MYOM2: variants seen among roughly 807,000 people sequenced by gnomAD.
MYOM2 encodes the protein myomesin 2.
In MYOM2, 254 loss-of-function variants were observed where a neutral mutation model predicts 187.6. That is an observed-to-expected ratio of 1.35 (90% CI 1.22 to 1.50). MYOM2 has a LOEUF of 1.50. MYOM2 is among the 40% of genes most tolerant of loss of function. The pLI is 0.00. For synonymous variants in MYOM2, 981 were observed against 753.8 expected, an observed-to-expected ratio of 1.30 and a Z score of -4.94; for missense variants, 2,796 against 1,924.0, an observed-to-expected ratio of 1.45 and a Z score of -8.48.
intron 21 of MYOM2, among the ~76,000 whole-genome samples, chr8:2,103,777 T>C (rs1159115914): frequency 6.6e-6 from 1 of 151,624 alleles, no homozygotes; most frequent in East Asian, 1.9e-4. Flanking sequence ...GCATGTGTTA[T>C]GTGTTTATGT....
At chr8:2,128,841 C>T (rs1585958334) in intron 31 of MYOM2, among the ~76,000 whole-genome samples, 1 of 152,304 alleles carries the variant, frequency 6.6e-6, no homozygotes, top group South Asian at 2.1e-4. Flanking sequence ...TTTTCTTAAG[C>T]AAAGCTGCTG....
intron 21 of MYOM2, 53 bp from the exon 22 acceptor site, chr8:2,106,189 G>T (rs902603330): frequency 1.3e-6 from 2 of 1,568,726 alleles, no homozygotes; most frequent in Non-Finnish European, 1.7e-6. Flanking sequence ...CCAAAAGAGA[G>T]TTGAAAGAAC....
At position 2,134,914 on chromosome 8, in the gene MYOM2, C is replaced by T. The variant is rs188307373; in HGVS notation, c.3800+5682C>T. Among the ~76,000 whole-genome samples the T allele has an allele frequency of 9.2e-5, 14 of 152,232 alleles. 1 individual carries two copies. The highest frequency in any genetic ancestry group is 2.6e-4 in the African/African-American group (11 of 41,534). On this transcript the variant is annotated intron_variant, in intron 32 of 36. Coordinates refer to ENST00000262113, the MANE Select transcript of MYOM2 (RefSeq NM_003970.4). ...GACAAAGGTTGGCATCAGAGACTAT[C>T]GATGTCTCAGGGAGCCGCGGGTCTT...
chr8:2,062,627 C>T (rs922851382), intron 6 of MYOM2, among the ~76,000 whole-genome samples: 3 of 152,148 alleles, frequency 2.0e-5, no homozygotes, highest in African/African-American at 7.2e-5. Context: ...GAAACTTTCT[C>T]TCCTTGGATT....
At chr8:2,121,868 T>C (rs1797471204) in intron 28 of MYOM2, among the ~76,000 whole-genome samples, 1 of 152,222 alleles carries the variant, frequency 6.6e-6, no homozygotes, top group Admixed American at 6.5e-5. Flanking sequence ...TAATCATCTT[T>C]CCTAGACATT....
chr8:2,095,293 C>CT (rs201143467), intron 17 of MYOM2, among the ~76,000 whole-genome samples: 15,324 of 136,538 alleles, frequency 0.11, 1,610 homozygotes, highest in African/African-American at 0.27. Flanking sequence ...AAACCACTTT[C>CT]TTTTTTTTTT....
At chr8:2,129,644 A>G (rs1389463049) in intron 32 of MYOM2, among the ~76,000 whole-genome samples, 1 of 152,188 alleles carries the variant, frequency 6.6e-6, no homozygotes, top group East Asian at 1.9e-4. Flanking sequence ...CAATCATTAA[A>G]ATTAAAAACA....
At chr8:2,106,455 A>T in intron 22 of MYOM2, 36 bp from the exon 23 acceptor site, 1 of 1,610,280 alleles carries the variant, frequency 6.2e-7, no homozygotes, top group Non-Finnish European at 8.5e-7. Context: ...TGCAAACAGA[A>T]ATGATCGACA....
At chr8:2,068,414 G>T (rs1434028356) in intron 6 of MYOM2, among the ~76,000 whole-genome samples, 3 of 150,462 alleles carry the variant, frequency 2.0e-5, no homozygotes, top group Admixed American at 6.6e-5. Flanking sequence ...GTGTGCACCA[G>T]GTGGAGAGCA....
intron 25 of MYOM2, among the ~76,000 whole-genome samples, 185 bp from the exon 26 acceptor site, chr8:2,115,775 G>A (rs1797219887): frequency 6.6e-6 from 1 of 152,212 alleles, no homozygotes; most frequent in South Asian, 2.1e-4. Context: ...TTGTCACTGA[G>A]TGACAGCTCA....
At chr8:2,118,080 G>A in intron 28 of MYOM2, 128 bp downstream of exon 28, 2 of 710,822 alleles carry the variant, frequency 2.8e-6, no homozygotes, top group Non-Finnish European at 4.7e-6. Context: ...CTGTGTAGCT[G>A]CGGATGGGCG....
intron 19 of MYOM2, among the ~76,000 whole-genome samples, chr8:2,099,976 G>C (rs1796625401): frequency 6.6e-6 from 1 of 151,738 alleles, no homozygotes; most frequent in South Asian, 2.1e-4. Flanking sequence ...AAGCCAATTA[G>C]AAAATTCCTT....
At chr8:2,075,552 T>C (rs1273056058) in intron 10 of MYOM2, among the ~76,000 whole-genome samples, 2 of 152,210 alleles carry the variant, frequency 1.3e-5, no homozygotes, top group Non-Finnish European at 2.9e-5. Flanking sequence ...GCTGAATAAA[T>C]ACATAGTTTA....
At chr8:2,053,602 C>A (rs1200596049) in intron 3 of MYOM2, among the ~76,000 whole-genome samples, 2 of 152,218 alleles carry the variant, frequency 1.3e-5, no homozygotes, top group African/African-American at 2.4e-5. Flanking sequence ...TTCAAGACAG[C>A]CTTGGCTGCT....
chr8:2,071,290 C>T (rs182174458), intron 8 of MYOM2, among the ~76,000 whole-genome samples: 47 of 152,202 alleles, frequency 3.1e-4, no homozygotes, highest in African/African-American at 8.4e-4. Flanking sequence ...CCACTGTACC[C>T]GGCCTGCAGC....
chr8:2,100,467 A>G, intron 19 of MYOM2: 1 of 182,728 alleles, frequency 5.5e-6, no homozygotes, highest in Non-Finnish European at 1.2e-5. Context: ...GTGTTCGTAG[A>G]GGACAGGGCT....
intron 24 of MYOM2, 182 bp from the exon 25 acceptor site, chr8:2,109,213 A>C (rs767553634): frequency 4.4e-6 from 3 of 674,170 alleles, no homozygotes; most frequent in Non-Finnish European, 7.0e-6. Context: ...ATGAGGCTTT[A>C]GAGGCAACAA....
chr8:2,105,339 A>G (rs913673940), intron 21 of MYOM2, among the ~76,000 whole-genome samples: 1 of 152,076 alleles, frequency 6.6e-6, no homozygotes, highest in Non-Finnish European at 1.5e-5. Flanking sequence ...CCTCAGTTCC[A>G]CTCACCAGCA....
rs541864390 is a variant in MYOM2 at position 2,085,324 on chromosome 8, T to C, written c.1578T>C (p.Tyr526=). The C allele has an allele frequency of 7.8e-5, 126 of 1,614,120 alleles. No individual in the cohort carries two copies. In the East Asian group the frequency reaches 2.6e-3, roughly 33 times the overall value. ...ACGCTTCCGAGATCAGCAGAAACTA[T>C]GTCGTCCTCAGCTGGGAGCCACCCA... The part of the protein sequence containing the change: ...GVHASEISRN[Y]VVLSWEPPTP... The change falls in exon 14 of 37, where the codon TAT becomes TAC. Residue 526 remains tyrosine (Y), a synonymous_variant. Transcript: ENST00000262113.
Sources: allele counts gnomAD v4.1 joint callset (sites outside exome capture counted in the v4.1 genomes callset), GRCh38; gene constraint gnomAD v4.1.1; transcripts MANE v1.5; gene names NCBI Gene and HGNC (gene_info 2026-07-23, HGNC 2026-07-21).